Variants in TNS4 observed in about 807,000 individuals in gnomAD.
The protein encoded by TNS4 is tensin-4.
A neutral mutation model predicts 70.4 loss-of-function variants in TNS4; 46 were observed. The observed-to-expected ratio is 0.65, with a 90% CI of 0.52 to 0.84. The LOEUF (loss-of-function observed/expected upper bound fraction) is 0.84, where lower values mean the gene tolerates loss of function less well. Among genes scored for constraint, TNS4 ranks in the 40% least tolerant of loss-of-function variants. The pLI is 0.00. For synonymous variants in TNS4, 390 were observed against 366.6 expected (o/e 1.06, Z -0.73); for missense variants, 863 against 907.0 (o/e 0.95, Z 0.62).
chr17:40,487,525 T>TC (rs2036007232), intron 3 of TNS4, 65 bp from the exon 4 acceptor site: 1 of 1,524,334 alleles, frequency 6.6e-7, no homozygotes, highest in African/African-American at 1.4e-5. Flanking sequence ...AGAGTCAGGC[T>TC]CCGGATCTGG....
intron 2 of TNS4, among the ~76,000 whole-genome samples, chr17:40,493,125 C>A (rs1470547062): frequency 6.6e-6 from 1 of 151,966 alleles, no homozygotes; most frequent in African/African-American, 2.4e-5. Context: ...TATGATCACA[C>A]CACTGCACTC....
intron 5 of TNS4, 83 bp downstream of exon 5, chr17:40,484,838 T>A: frequency 6.5e-7 from 1 of 1,529,638 alleles, no homozygotes; most frequent in South Asian, 1.1e-5. Flanking sequence ...TATTTGCCAT[T>A]CCTTAACTGT....
Position 40,479,472 on chromosome 17 carries a change from A to G in TNS4, c.1910+202T>C, listed in dbSNP as rs538875857. Among the ~76,000 whole-genome samples, 414 of 152,312 alleles carry G rather than the reference A, an allele frequency of 2.7e-3. 2 individuals carry two copies. Among genetic ancestry groups the G allele is most frequent in the African/African-American group, 9.6e-3 (400 of 41,580 alleles). On this transcript the variant is annotated intron_variant, in intron 10 of 12. Coordinates refer to ENST00000254051, the MANE Select transcript of TNS4 (RefSeq NM_032865.6). ...CCCGTTAACTCCATTTTCATCAGTCATGATGAACAGGGGCTTTGGCAGTGG... is the reference window on the plus strand; with the variant it reads ...CCCGTTAACTCCATTTTCATCAGTCGTGATGAACAGGGGCTTTGGCAGTGG...
intron 2 of TNS4, among the ~76,000 whole-genome samples, chr17:40,495,531 T>A (rs1763067019): frequency 6.6e-6 from 1 of 152,078 alleles, no homozygotes; most frequent in Admixed American, 6.5e-5. Flanking sequence ...TCCTACCATT[T>A]CCAGCGTGGG....
In TNS4 at chr17:40,480,758, A is replaced by T. The variant is rs1597688655; in HGVS notation, c.1683T>A (p.Gly561=). ...KLTIPQRELG[G]ADGASDSTDS... Reference sequence around the variant, plus strand: ...CTGTAGAGTCCGAGGCCCCATCTGCACCTCCCAGTTCTGAGCCAAGGCAAA... The same window carrying T: ...CTGTAGAGTCCGAGGCCCCATCTGCTCCTCCCAGTTCTGAGCCAAGGCAAA... Residue 561 remains glycine, a synonymous_variant, in exon 9 of 13, where the codon GGT becomes GGA. Transcript: ENST00000254051. 1 of 1,600,124 alleles carries T rather than the reference A, an allele frequency of 6.2e-7. No homozygotes were observed. Among genetic ancestry groups the T allele is most frequent in the Non-Finnish European group, 8.5e-7 (1 of 1,174,314 alleles).
chr17:40,480,807 G>A, intron 8 of TNS4, 39 bp from the exon 9 acceptor site: 1 of 1,595,486 alleles, frequency 6.3e-7, no homozygotes, highest in Non-Finnish European at 8.5e-7. Flanking sequence ...CAAAGGGGCG[G>A]GGGTGGAGTG....
chr17:40,484,838 T>C (rs1283000689), intron 5 of TNS4, 83 bp downstream of exon 5: 41 of 1,529,520 alleles, frequency 2.7e-5, no homozygotes, highest in Non-Finnish European at 3.4e-5. Flanking sequence ...TATTTGCCAT[T>C]CCTTAACTGT....
chr17:40,482,499 T>C, intron 6 of TNS4, 83 bp from the exon 7 acceptor site: 1 of 1,349,496 alleles, frequency 7.4e-7, no homozygotes, highest in Non-Finnish European at 1.0e-6. Flanking sequence ...ATCCCAGCAC[T>C]TTGGGAGGCC....
chr17:40,488,424 TGGTTTTGGTGCATGCCCA>T (rs1303015793), intron 3 of TNS4, 104 bp downstream of exon 3: 1 of 876,660 alleles, frequency 1.1e-6, no homozygotes, highest in African/African-American at 1.7e-5. Flanking sequence ...CATTTGCTTC[TGGTTTTGGTGCATGCCCA>T]GATTTTGCTC....
intron 1 of TNS4, among the ~76,000 whole-genome samples, chr17:40,499,693 G>A (rs2036188756): frequency 6.6e-6 from 1 of 152,212 alleles, no homozygotes; most frequent in Non-Finnish European, 1.5e-5. Flanking sequence ...GAAGGGAGCC[G>A]GCCTCTGCGC....
At chr17:40,482,640 G>A (rs982355746) in intron 6 of TNS4, among the ~76,000 whole-genome samples, 2 of 151,804 alleles carry the variant, frequency 1.3e-5, no homozygotes, top group East Asian at 1.9e-4. Context: ...AAAGCCGGGC[G>A]TGGTTCACAT....
rs1714340357 is a variant in TNS4 at position 40,482,212 on chromosome 17, A to G, written c.1595-6T>C. The G allele has an allele frequency of 6.2e-7, 1 of 1,614,082 alleles. No homozygotes were observed. Among genetic ancestry groups the G allele is most frequent in the African/African-American group, 1.3e-5 (1 of 74,936 alleles). ...CACGAAGGCAGAGAGGCTCCCTGAA[A>G]GGAAGCAAGCAGCCCTGCATGAGTA... On this transcript the variant is annotated splice_polypyrimidine_tract_variant and splice_region_variant and intron_variant, in intron 7 of 12. Transcript: ENST00000254051.
intron 2 of TNS4, among the ~76,000 whole-genome samples, chr17:40,491,935 TG>T (rs559999316): frequency 3.3e-4 from 50 of 150,870 alleles, no homozygotes; most frequent in Non-Finnish European, 6.5e-4. Flanking sequence ...AAAATGAAAG[TG>T]GGGGGCCTGT....
At chr17:40,496,876 C>T (rs148320982) in intron 1 of TNS4, among the ~76,000 whole-genome samples, 219 of 152,260 alleles carry the variant, frequency 1.4e-3, no homozygotes, top group African/African-American at 5.0e-3. Flanking sequence ...TAAATACTAC[C>T]TAACGTTTGC....
intron 4 of TNS4, 28 bp from the exon 5 acceptor site, chr17:40,485,035 T>C: frequency 6.2e-7 from 1 of 1,603,188 alleles, no homozygotes; most frequent in Non-Finnish European, 8.5e-7. Context: ...AGGGGGACCC[T>C]GTAGGCTGGA....
chr17:40,480,765 A>G lies in TNS4; in HGVS notation c.1676T>C (p.Leu559Pro), dbSNP rs2143783602. Residue 559 changes from leucine to proline, a missense_variant, in exon 9 of 13, where the codon CTG becomes CCG. Coordinates refer to ENST00000254051, the MANE Select transcript of TNS4 (RefSeq NM_032865.6). ...GTCCGAGGCCCCATCTGCACCTCCC[A>G]GTTCTGAGCCAAGGCAAAGAAACAG... ...PCKLTIPQRE[L>P]GGADGASDST... 6.2e-7 allele frequency: 1 copy of G among 1,602,240 alleles called. No individual in the cohort carries two copies.
chr17:40,477,531 G>A lies in TNS4; in HGVS notation c.*57C>T, dbSNP rs927024507. ...AGCCACACCCATTCAGGGGGTGGAG[G>A]GGGGCTCCTTAGCGAGCCCCTGGAG... On this transcript the variant is annotated 3_prime_UTR_variant, in exon 13 of 13. Transcript: ENST00000254051. 2 of 1,599,442 alleles carry A rather than the reference G, an allele frequency of 1.3e-6. 1 individual carries two copies. Among genetic ancestry groups the A allele is most frequent in the Middle Eastern group, 3.3e-4 (2 of 5,990 alleles).
intron 2 of TNS4, 46 bp downstream of exon 2, chr17:40,495,941 G>A: frequency 1.3e-6 from 2 of 1,556,424 alleles, no homozygotes; most frequent in Non-Finnish European, 1.7e-6. Context: ...TCCTCATGAG[G>A]TCTGGCACCA....
rs1257783528 is a variant in TNS4, at chr17:40,487,219, T to C, written c.1105A>G (p.Met369Val). ...SSCPPSITNS[M>V]VDIPIVLING... Reference sequence around the variant, plus strand: ...ATCAGCACAATGGGTATGTCCACCATGGAGTTGGTGATGGATGGGGGGCAG... The same window carrying C: ...ATCAGCACAATGGGTATGTCCACCACGGAGTTGGTGATGGATGGGGGGCAG... Residue 369 changes from methionine to valine, a missense_variant, in exon 4 of 13, where the codon ATG becomes GTG. Transcript: ENST00000254051. The C allele has an allele frequency of 1.2e-6, 2 of 1,614,052 alleles. No individual in the cohort carries two copies. Among genetic ancestry groups the C allele is most frequent in the South Asian group, 1.1e-5 (1 of 91,086 alleles).
Sources: allele counts gnomAD v4.1 joint callset (sites outside exome capture counted in the v4.1 genomes callset), GRCh38; gene constraint gnomAD v4.1.1; transcripts MANE v1.5; gene names NCBI Gene and HGNC (gene_info 2026-07-23, HGNC 2026-07-21).